MYCBP2: variants seen among roughly 807,000 people sequenced by gnomAD.
MYCBP2 encodes MYC binding protein 2, also known as E3 ubiquitin-protein ligase MYCBP2.
In MYCBP2, 120 loss-of-function variants were observed where a neutral mutation model predicts 525.3. The observed-to-expected ratio is 0.23, with a 90% confidence interval of 0.20 to 0.27. The LOEUF (loss-of-function observed/expected upper bound fraction) is 0.27, where lower values mean the gene tolerates loss of function less well. MYCBP2 is among the 10% of genes least tolerant of loss of function. The pLI is 1.00. For missense variants in MYCBP2, 4,149 were observed against 5,657.1 expected (o/e 0.73, Z 8.55); for synonymous variants, 1,894 against 1,955.8 (o/e 0.97, Z 0.83).
chr13:77,203,306 G>A (rs1187153023), intron 26 of MYCBP2, among the ~76,000 whole-genome samples: 2 of 152,028 alleles, frequency 1.3e-5, no homozygotes, highest in Non-Finnish European at 2.9e-5. Flanking sequence ...TTGCTTCAAA[G>A]AAAATAAAAT....
At chr13:77,246,444 C>T (rs2069956724) in intron 15 of MYCBP2, among the ~76,000 whole-genome samples, 1 of 137,628 alleles carries the variant, frequency 7.3e-6, no homozygotes, top group Non-Finnish European at 1.6e-5. Context: ...CAATGTCAGA[C>T]AAAAGATGAA....
At chr13:77,169,745 A>G (rs2154220104) in intron 38 of MYCBP2, 31 bp from the exon 39 acceptor site, 1 of 1,549,154 alleles carries the variant, frequency 6.5e-7, no homozygotes, top group Non-Finnish European at 8.9e-7. Flanking sequence ...CATTAAAACT[A>G]TAGTCAGAAG....
chr13:77,260,981 T>C (rs1484994105), intron 12 of MYCBP2, among the ~76,000 whole-genome samples, 190 bp downstream of exon 12: 1 of 152,154 alleles, frequency 6.6e-6, no homozygotes, highest in East Asian at 1.9e-4. Flanking sequence ...TCTTGTTAGA[T>C]CCTGGAAAGT....
At position 77,278,348 on chromosome 13, in the gene MYCBP2, C is replaced by T. The variant is rs138979222; in HGVS notation, c.748+410G>A. On this transcript the variant is annotated intron_variant, in intron 4 of 82. Coordinates refer to ENST00000544440, the MANE Select transcript of MYCBP2 (RefSeq NM_015057.5). ...AGGGATTTATGTTTTGTTTGCCCCC[C>T]GCTTCATCATACTAATTGAGAAATG... Among the ~76,000 whole-genome samples the T allele has an allele frequency of 7.9e-4, 121 of 152,236 alleles. 3 individuals carry two copies. In the East Asian group the frequency reaches 0.021, roughly 26 times the overall value.
chr13:77,181,579 C>T, intron 33 of MYCBP2, 122 bp downstream of exon 33: 1 of 568,212 alleles, frequency 1.8e-6, no homozygotes, highest in Non-Finnish European at 3.0e-6. Flanking sequence ...GAATAAGCAC[C>T]AAGCTAAATA....
intron 5 of MYCBP2, among the ~76,000 whole-genome samples, chr13:77,271,932 G>A (rs2074954901): frequency 6.6e-6 from 1 of 152,178 alleles, no homozygotes; most frequent in African/African-American, 2.4e-5. Flanking sequence ...AAATCATGAA[G>A]AGCACTGCAA....
At chr13:77,188,547 T>C (rs1299073525) in intron 30 of MYCBP2, among the ~76,000 whole-genome samples, 1 of 152,234 alleles carries the variant, frequency 6.6e-6, no homozygotes, top group African/African-American at 2.4e-5. Context: ...GGATGGCAAG[T>C]GGTTCAACAA....
At chr13:77,257,876 T>C in intron 13 of MYCBP2, 47 bp from the exon 14 acceptor site, 2 of 1,508,090 alleles carry the variant, frequency 1.3e-6, no homozygotes, top group Non-Finnish European at 1.8e-6. Context: ...AAGGCCCTTC[T>C]GAGCCTAGTA....
intron 6 of MYCBP2, 112 bp downstream of exon 6, chr13:77,270,184 T>C (rs2074680048): frequency 7.0e-6 from 10 of 1,430,106 alleles, no homozygotes; most frequent in Non-Finnish European, 9.5e-6. Context: ...CAAATAAATA[T>C]TATTACACTA....
intron 33 of MYCBP2, 67 bp from the exon 34 acceptor site, chr13:77,180,385 A>G: frequency 7.4e-7 from 1 of 1,355,408 alleles, no homozygotes; most frequent in Non-Finnish European, 1.0e-6. Flanking sequence ...CTCAATTTGA[A>G]AACCTTGTCT....
chr13:77,099,073 G>T, intron 55 of MYCBP2, 60 bp from the exon 56 acceptor site: 1 of 1,573,276 alleles, frequency 6.4e-7, no homozygotes, highest in Non-Finnish European at 8.6e-7. Flanking sequence ...TGATAATTTA[G>T]CCACTAAACA....
chr13:77,206,178 CACTACATCTCAAAGTAATTAAATAAGT>C (rs1368054868), intron 24 of MYCBP2, among the ~76,000 whole-genome samples: 15 of 151,712 alleles, frequency 9.9e-5, no homozygotes, highest in Admixed American at 9.8e-4. Flanking sequence ...TAATATATTG[CACTACATCTCAAAGTAATTAAATAAGT>C]ACTACATCTC....
intron 73 of MYCBP2, 78 bp downstream of exon 73, chr13:77,064,537 G>C (rs1028789648): frequency 7.1e-7 from 1 of 1,412,090 alleles, no homozygotes; most frequent in African/African-American, 1.5e-5. Context: ...ATTAAAATTT[G>C]TTTAAATCTA....
At chr13:77,087,235 AACT>A (rs1460975424) in intron 62 of MYCBP2, among the ~76,000 whole-genome samples, 3 of 152,198 alleles carry the variant, frequency 2.0e-5, no homozygotes. Context: ...CAAGTCATAC[AACT>A]ACAATAGGGT....
chr13:77,154,212 ACTT>A (rs1001956763), intron 46 of MYCBP2, among the ~76,000 whole-genome samples: 6 of 152,132 alleles, frequency 3.9e-5, no homozygotes, highest in African/African-American at 1.2e-4. Flanking sequence ...AGCACAAATC[ACTT>A]CTTCTAGATA....
At chr13:77,065,331 C>G (rs1291464193) in intron 72 of MYCBP2, among the ~76,000 whole-genome samples, 1 of 152,156 alleles carries the variant, frequency 6.6e-6, no homozygotes, top group African/African-American at 2.4e-5. Flanking sequence ...TCATCTTTCC[C>G]CCAGAAAATC....
chr13:77,141,474 G>T (rs142163517), intron 49 of MYCBP2, among the ~76,000 whole-genome samples: 1 of 151,942 alleles, frequency 6.6e-6, no homozygotes, highest in Admixed American at 6.6e-5. Context: ...AATAAATGAC[G>T]TAAAATGTAC....
chr13:77,280,661 G>A (rs2076096667), intron 3 of MYCBP2, among the ~76,000 whole-genome samples: 1 of 152,190 alleles, frequency 6.6e-6, no homozygotes, highest in Non-Finnish European at 1.5e-5. Context: ...CAGTAAGACT[G>A]CCTAATGAAC....
At chr13:77,223,966 A>T (rs2065929748) in intron 20 of MYCBP2, among the ~76,000 whole-genome samples, 1 of 152,230 alleles carries the variant, frequency 6.6e-6, no homozygotes, top group Non-Finnish European at 1.5e-5. Context: ...CTCTACTACT[A>T]TTTGCAATAA....
Sources: allele counts gnomAD v4.1 joint callset (sites outside exome capture counted in the v4.1 genomes callset), GRCh38; gene constraint gnomAD v4.1.1; transcripts MANE v1.5; gene names NCBI Gene and HGNC (gene_info 2026-07-23, HGNC 2026-07-21).